Variants in NSMCE2 observed in about 807,000 individuals in gnomAD.
NSMCE2 encodes the protein E3 SUMO-protein ligase NSE2.
NSMCE2 carries 24 observed loss-of-function variants against 23.8 expected under a neutral mutation model. The observed-to-expected ratio is 1.01, with a 90% CI of 0.73 to 1.42. The LOEUF is 1.42. Among genes scored for constraint, NSMCE2 ranks in the 40% most tolerant of loss-of-function variants. The pLI, the probability that NSMCE2 is intolerant of heterozygous loss-of-function variation, is 0.00. For synonymous variants in NSMCE2, 92 were observed against 94.1 expected (o/e 0.98, Z 0.13); for missense variants, 284 against 296.5 (o/e 0.96, Z 0.31).
chr8:125,158,576 C>G (rs1389746894), intron 4 of NSMCE2, among the ~76,000 whole-genome samples: 1 of 152,142 alleles, frequency 6.6e-6, no homozygotes, highest in African/African-American at 2.4e-5. Context: ...TGGCACCAGG[C>G]CATCCTAGCA....
chr8:125,093,994 G>A (rs1298299613), intron 1 of NSMCE2, among the ~76,000 whole-genome samples: 1 of 151,648 alleles, frequency 6.6e-6, no homozygotes, highest in Admixed American at 6.6e-5. Flanking sequence ...TGTAGAGTTG[G>A]GGTCTTGCTG....
At chr8:125,145,952 T>C (rs2130649115) in intron 3 of NSMCE2, among the ~76,000 whole-genome samples, 1 of 152,328 alleles carries the variant, frequency 6.6e-6, no homozygotes, top group Middle Eastern at 3.4e-3. Flanking sequence ...CAGATTAGCT[T>C]TGCTGATGTG....
At chr8:125,324,252 T>C (rs1208933728) in intron 5 of NSMCE2, among the ~76,000 whole-genome samples, 2 of 152,148 alleles carry the variant, frequency 1.3e-5, no homozygotes, top group Non-Finnish European at 2.9e-5. Context: ...TGTAAACTGA[T>C]ACAACCACTT....
At chr8:125,234,731 G>A (rs1027830687) in intron 5 of NSMCE2, among the ~76,000 whole-genome samples, 14 of 152,200 alleles carry the variant, frequency 9.2e-5, no homozygotes, top group African/African-American at 2.2e-4. Flanking sequence ...TTCTGCTGTG[G>A]CTTTGTTATG....
intron 5 of NSMCE2, among the ~76,000 whole-genome samples, chr8:125,305,642 A>T (rs1322503614): frequency 6.6e-6 from 1 of 152,260 alleles, no homozygotes; most frequent in African/African-American, 2.4e-5. Context: ...AAAGAGAAAC[A>T]GACCCTCAGT....
intron 5 of NSMCE2, among the ~76,000 whole-genome samples, chr8:125,300,803 T>A (rs1472162873): frequency 6.6e-6 from 1 of 152,160 alleles, no homozygotes; most frequent in African/African-American, 2.4e-5. Context: ...GGGGCTGGTC[T>A]GCAAAGGCTT....
chr8:125,326,214 G>A (rs1480393442), intron 5 of NSMCE2, among the ~76,000 whole-genome samples: 1 of 151,992 alleles, frequency 6.6e-6, no homozygotes, highest in Non-Finnish European at 1.5e-5. Flanking sequence ...CCGAGATTGC[G>A]CCACTGCACT....
At chr8:125,360,284 G>A (rs1385607751) in intron 7 of NSMCE2, among the ~76,000 whole-genome samples, 1 of 152,184 alleles carries the variant, frequency 6.6e-6, no homozygotes, top group African/African-American at 2.4e-5. Flanking sequence ...AGTCAGGGGA[G>A]GACTCAGAAC....
intron 5 of NSMCE2, among the ~76,000 whole-genome samples, chr8:125,261,723 A>G (rs1283248074): frequency 2.6e-5 from 4 of 152,026 alleles, no homozygotes; most frequent in Non-Finnish European, 4.4e-5. Flanking sequence ...CACTTTGGTT[A>G]AAAGCTAATC....
intron 5 of NSMCE2, among the ~76,000 whole-genome samples, chr8:125,355,632 G>A (rs557771307): frequency 6.6e-6 from 1 of 150,884 alleles, no homozygotes; most frequent in East Asian, 1.9e-4. Flanking sequence ...CCTGGGAGGC[G>A]GAGGTTGCAG....
chr8:125,208,628 A>C (rs1466856007), intron 5 of NSMCE2, among the ~76,000 whole-genome samples: 4 of 152,222 alleles, frequency 2.6e-5, no homozygotes, highest in African/African-American at 9.7e-5. Context: ...GAATAGGAGG[A>C]GACAAATGAT....
At chr8:125,254,002 A>G (rs11994861) in intron 5 of NSMCE2, among the ~76,000 whole-genome samples, 43,117 of 152,062 alleles carry the variant, frequency 0.28, 7,983 homozygotes, top group African/African-American at 0.52. Flanking sequence ...CTAGAAGATA[A>G]CAAATATTTG....
intron 5 of NSMCE2, among the ~76,000 whole-genome samples, chr8:125,248,048 G>A (rs1242487550): frequency 6.6e-6 from 1 of 152,060 alleles, no homozygotes; most frequent in Non-Finnish European, 1.5e-5. Flanking sequence ...TAAAAATTTT[G>A]AAACCATTGA....
chr8:125,248,593 C>T (rs1251859643), intron 5 of NSMCE2, among the ~76,000 whole-genome samples: 1 of 151,894 alleles, frequency 6.6e-6, no homozygotes, highest in African/African-American at 2.4e-5. Flanking sequence ...GCGGAGGTTG[C>T]AGTGAGCTGA....
chr8:125,326,980 G>C (rs1829690654), intron 5 of NSMCE2, among the ~76,000 whole-genome samples: 1 of 147,160 alleles, frequency 6.8e-6, no homozygotes, highest in South Asian at 2.1e-4. Flanking sequence ...GAGAGAGAGA[G>C]GGCCAGGCGA....
chr8:125,115,721 C>T (rs936662532), intron 3 of NSMCE2, among the ~76,000 whole-genome samples: 6 of 151,886 alleles, frequency 4.0e-5, no homozygotes, highest in Admixed American at 2.0e-4. Context: ...AGCGAGACTC[C>T]GTCTCAATAA....
chr8:125,263,248 T>C (rs767277856), intron 5 of NSMCE2, among the ~76,000 whole-genome samples: 19 of 152,214 alleles, frequency 1.2e-4, no homozygotes, highest in Non-Finnish European at 2.1e-4. Context: ...ATATAAATCA[T>C]TACCTAATTG....
At chr8:125,241,040 C>CT (rs1825747357) in intron 5 of NSMCE2, among the ~76,000 whole-genome samples, 1 of 152,108 alleles carries the variant, frequency 6.6e-6, no homozygotes, top group African/African-American at 2.4e-5. Flanking sequence ...GGATTTCAGA[C>CT]TTTTTTGAAT....
chr8:125,341,413 C>T (rs549043239), intron 5 of NSMCE2, among the ~76,000 whole-genome samples: 9 of 152,222 alleles, frequency 5.9e-5, no homozygotes, highest in African/African-American at 1.2e-4. Context: ...TGTTTTGTCC[C>T]GCTTACAACT....
Sources: gnomAD v4.1 joint callset for allele counts (sites outside exome capture counted in the v4.1 genomes callset) on GRCh38, gnomAD v4.1.1 for gene constraint, MANE v1.5 for transcripts, NCBI Gene and HGNC (gene_info 2026-07-23, HGNC 2026-07-21) for gene names.